The following UBE2E2 variants were observed in gnomAD, a reference collection of about 807,000 sequenced individuals.
UBE2E2 encodes the protein ubiquitin-conjugating enzyme E2 E2.
A neutral mutation model predicts 24.7 loss-of-function variants in UBE2E2; 6 were observed. The ratio of observed to expected loss-of-function variants is 0.24; its 90% CI spans 0.13 to 0.48. The LOEUF is 0.48. UBE2E2 is among the 20% of genes least tolerant of loss of function. The pLI, the probability that UBE2E2 is intolerant of heterozygous loss-of-function variation, is 0.99. For missense variants in UBE2E2, 169 were observed against 245.0 expected, an observed-to-expected ratio of 0.69 and a Z score of 2.07; for synonymous variants, 104 against 83.6, an observed-to-expected ratio of 1.24 and a Z score of -1.33.
intron 3 of UBE2E2, among the ~76,000 whole-genome samples, chr3:23,482,295 C>T (rs1699274426): frequency 1.3e-5 from 2 of 152,200 alleles, no homozygotes; most frequent in Admixed American, 6.5e-5. Flanking sequence ...GAAAATAACT[C>T]ATTTTATCAA....
At chr3:23,360,304 A>G (rs1266534615) in intron 3 of UBE2E2, among the ~76,000 whole-genome samples, 6 of 150,852 alleles carry the variant, frequency 4.0e-5, no homozygotes, top group African/African-American at 1.5e-4. Flanking sequence ...AGTCAGTGTT[A>G]AAAAAAAAGT....
At chr3:23,544,204 A>C (rs1695462952) in intron 5 of UBE2E2, among the ~76,000 whole-genome samples, 1 of 152,160 alleles carries the variant, frequency 6.6e-6, no homozygotes, top group South Asian at 2.1e-4. Flanking sequence ...AACAAAAATA[A>C]ATGGGACCCA....
chr3:23,259,663 A>C (rs1697844580), intron 3 of UBE2E2, among the ~76,000 whole-genome samples: 1 of 152,190 alleles, frequency 6.6e-6, no homozygotes, highest in African/African-American at 2.4e-5. Flanking sequence ...TGAATATAAC[A>C]TACAGAAAAA....
At chr3:23,538,428 T>G (rs1349916808) in intron 5 of UBE2E2, among the ~76,000 whole-genome samples, 2 of 152,186 alleles carry the variant, frequency 1.3e-5, no homozygotes, top group African/African-American at 4.8e-5. Context: ...AGTTCATACT[T>G]TGCTCCTGTT....
intron 5 of UBE2E2, among the ~76,000 whole-genome samples, chr3:23,542,587 A>C (rs981543592): frequency 6.6e-6 from 1 of 152,178 alleles, no homozygotes; most frequent in African/African-American, 2.4e-5. Flanking sequence ...GGTGAAAAAG[A>C]AAGTTTTAGA....
chr3:23,567,267 T>C (rs1455226864), intron 5 of UBE2E2, among the ~76,000 whole-genome samples: 1 of 152,100 alleles, frequency 6.6e-6, no homozygotes, highest in African/African-American at 2.4e-5. Flanking sequence ...ATCCCAGAAA[T>C]AGAACTGCCC....
At chr3:23,313,097 T>C (rs548167495) in intron 3 of UBE2E2, among the ~76,000 whole-genome samples, 1 of 152,314 alleles carries the variant, frequency 6.6e-6, no homozygotes, top group African/African-American at 2.4e-5. Flanking sequence ...TCTATAAATA[T>C]CTACTAGATC....
At chr3:23,545,054 C>A (rs1269617588) in intron 5 of UBE2E2, among the ~76,000 whole-genome samples, 2 of 149,728 alleles carry the variant, frequency 1.3e-5, no homozygotes, top group African/African-American at 4.9e-5. Context: ...AGCCCTAAGG[C>A]GGTTTTTCCC....
chr3:23,426,420 A>C (rs1296487941), intron 3 of UBE2E2, among the ~76,000 whole-genome samples: 7 of 50,064 alleles, frequency 1.4e-4, no homozygotes. Context: ...ATAAATGCAA[A>C]AAAAAAAAAA....
chr3:23,420,335 A>G (rs1207344894), intron 3 of UBE2E2, among the ~76,000 whole-genome samples: 1 of 152,220 alleles, frequency 6.6e-6, no homozygotes, highest in East Asian at 1.9e-4. Context: ...ATCTTCTTTA[A>G]TAAAATGAGG....
chr3:23,341,709 T>C (rs1245706698), intron 3 of UBE2E2, among the ~76,000 whole-genome samples: 1 of 152,100 alleles, frequency 6.6e-6, no homozygotes, highest in African/African-American at 2.4e-5. Context: ...TTCTTCTCGT[T>C]CTTTTTTTTT....
chr3:23,512,780 A>G (rs1694633661), intron 4 of UBE2E2, among the ~76,000 whole-genome samples: 1 of 152,066 alleles, frequency 6.6e-6, no homozygotes, highest in Non-Finnish European at 1.5e-5. Flanking sequence ...CCCCATCTCT[A>G]CTAAAAATAC....
At chr3:23,459,642 C>T (rs981677107) in intron 3 of UBE2E2, among the ~76,000 whole-genome samples, 1 of 152,162 alleles carries the variant, frequency 6.6e-6, no homozygotes, top group Non-Finnish European at 1.5e-5. Context: ...TTCTATTGCT[C>T]TGAGTTCTGC....
At chr3:23,301,311 G>T (rs1041305208) in intron 3 of UBE2E2, among the ~76,000 whole-genome samples, 2 of 152,188 alleles carry the variant, frequency 1.3e-5, no homozygotes, top group African/African-American at 4.8e-5. Context: ...GTCCAGCTTT[G>T]TTCTGTTGCT....
intron 3 of UBE2E2, among the ~76,000 whole-genome samples, chr3:23,374,050 A>G (rs1369493640): frequency 1.3e-5 from 2 of 152,212 alleles, no homozygotes; most frequent in Non-Finnish European, 2.9e-5. Flanking sequence ...CACTGCCCAC[A>G]CAATGGATGT....
Position 23,258,537 on chromosome 3 carries a change from A to G in UBE2E2, c.227+41225A>G, listed in dbSNP as rs73149693. Among the ~76,000 whole-genome samples, 130 of 152,292 alleles carry G rather than the reference A, an allele frequency of 8.5e-4. 1 individual carries two copies. Among genetic ancestry groups the G allele is most frequent in the African/African-American group, 3.0e-3 (123 of 41,552 alleles). On this transcript the variant is annotated intron_variant, in intron 3 of 5. Coordinates refer to ENST00000396703, the MANE Select transcript of UBE2E2 (RefSeq NM_152653.4). ...ACAACGACAGTAAAATGAGCTGTCT[A>G]CCCAAAATTTAGATTATTATGTTGA... is the stretch of plus-strand genomic sequence containing the variant.
At chr3:23,509,160 T>A (rs542962353) in intron 4 of UBE2E2, among the ~76,000 whole-genome samples, 32 of 152,246 alleles carry the variant, frequency 2.1e-4, no homozygotes, top group African/African-American at 6.0e-4. Flanking sequence ...TTAAGGACAA[T>A]AAAATGATAC....
intron 3 of UBE2E2, among the ~76,000 whole-genome samples, chr3:23,241,752 C>T (rs759208039): frequency 2.0e-5 from 3 of 152,154 alleles, no homozygotes; most frequent in Non-Finnish European, 4.4e-5. Context: ...ATGTGAATAT[C>T]TGAAAGACAC....
chr3:23,512,270 T>G (rs1429717930), intron 4 of UBE2E2, among the ~76,000 whole-genome samples: 1 of 151,354 alleles, frequency 6.6e-6, no homozygotes, highest in South Asian at 2.1e-4. Context: ...CAGGCTGGAG[T>G]GCAGTGGCAC....
Sources: allele counts gnomAD v4.1 joint callset (sites outside exome capture counted in the v4.1 genomes callset), GRCh38; gene constraint gnomAD v4.1.1; transcripts MANE v1.5; gene names NCBI Gene and HGNC (gene_info 2026-07-23, HGNC 2026-07-21).